MAML2: variants seen among roughly 807,000 people sequenced by gnomAD.
MAML2 encodes mastermind-like protein 2.
In MAML2, 22 loss-of-function variants were observed where a neutral mutation model predicts 96.1. The ratio of observed to expected loss-of-function variants is 0.23; its 90% CI spans 0.16 to 0.33. The LOEUF is 0.33. Among genes scored for constraint, MAML2 ranks in the 10% least tolerant of loss-of-function variants. The pLI is 1.00. For missense variants in MAML2, 1,367 were observed against 1,392.4 expected (o/e 0.98, Z 0.29); for synonymous variants, 561 against 521.3 (o/e 1.08, Z -1.04).
intron 1 of MAML2, among the ~76,000 whole-genome samples, chr11:96,335,926 G>A (rs542439798): frequency 6.6e-6 from 1 of 152,134 alleles, no homozygotes; most frequent in East Asian, 1.9e-4. Flanking sequence ...CCTCTTCTCA[G>A]GCCCTGCTGG....
Position 95,986,728 on chromosome 11 carries a change from C to T in MAML2, c.2344-1086G>A, listed in dbSNP as rs139703926. Among the ~76,000 whole-genome samples the T allele has an allele frequency of 1.8e-3, 267 of 152,220 alleles. 2 individuals carry two copies. The highest frequency in any genetic ancestry group is 5.8e-3 in the African/African-American group (240 of 41,530). On this transcript the variant is annotated intron_variant, in intron 3 of 4. Coordinates refer to ENST00000524717, the MANE Select transcript of MAML2 (RefSeq NM_032427.4). ...CACAGTGGTAGAACTGAGACCAAAT[C>T]CTGAGTCCAAAACTCAGGCTCTTTC...
chr11:96,179,898 TGGCCAACTAGGA>T (rs1861455325), intron 1 of MAML2, among the ~76,000 whole-genome samples: 2 of 152,216 alleles, frequency 1.3e-5, no homozygotes, highest in African/African-American at 2.4e-5. Context: ...GTGGCCACCT[TGGCCAACTAGGA>T]GCTGACATTG....
intron 1 of MAML2, among the ~76,000 whole-genome samples, chr11:96,191,022 C>G (rs577840211): frequency 1.2e-4 from 18 of 152,194 alleles, no homozygotes; most frequent in African/African-American, 4.3e-4. Context: ...TTGTGTACCC[C>G]CTTTTAGAAG....
chr11:96,308,017 T>C (rs1019773509), intron 1 of MAML2, among the ~76,000 whole-genome samples: 181 of 152,182 alleles, frequency 1.2e-3, no homozygotes, highest in Non-Finnish European at 4.1e-4. Context: ...TCTGGAATTA[T>C]GGTAAAGCCC....
At chr11:96,018,012 T>C (rs1355655719) in intron 2 of MAML2, among the ~76,000 whole-genome samples, 1 of 152,124 alleles carries the variant, frequency 6.6e-6, no homozygotes, top group African/African-American at 2.4e-5. Flanking sequence ...AGAAAGAAGA[T>C]GAGTAAGGAA....
chr11:96,170,177 C>T (rs1861263937), intron 1 of MAML2, among the ~76,000 whole-genome samples: 1 of 152,234 alleles, frequency 6.6e-6, no homozygotes, highest in South Asian at 2.1e-4. Context: ...TGCTCACATT[C>T]TACATTCCAA....
At chr11:96,293,657 G>A (rs1170362343) in intron 1 of MAML2, among the ~76,000 whole-genome samples, 1 of 152,154 alleles carries the variant, frequency 6.6e-6, no homozygotes, top group Non-Finnish European at 1.5e-5. Context: ...CTGAAAAAAT[G>A]AGACACAGCC....
intron 1 of MAML2, among the ~76,000 whole-genome samples, chr11:96,175,220 C>T (rs1474616567): frequency 1.3e-5 from 2 of 152,194 alleles, no homozygotes; most frequent in African/African-American, 2.4e-5. Context: ...ACCATCCTTG[C>T]AAGAATAAAG....
chr11:96,242,539 T>A (rs1013179085), intron 1 of MAML2, among the ~76,000 whole-genome samples: 2 of 152,214 alleles, frequency 1.3e-5, no homozygotes, highest in African/African-American at 2.4e-5. Context: ...GAATTATAGG[T>A]ACAGCACAAA....
At position 96,341,944 on chromosome 11, in the gene MAML2, G is replaced by A. The variant is rs1474573717; in HGVS notation, c.-49C>T. The A allele has an allele frequency of 1.4e-6, 2 of 1,451,954 alleles. No homozygotes were observed. The highest frequency in any genetic ancestry group is 1.8e-6 in the Non-Finnish European group (2 of 1,106,036). 89.9% of individuals were successfully genotyped at this position (1,451,954 alleles called of 1,614,324 possible). A position where few individuals can be genotyped will look rare whatever the true frequency, so the allele number is the denominator to read the frequency against. On this transcript the variant is annotated 5_prime_UTR_variant, in exon 1 of 5. Coordinates refer to ENST00000524717, the MANE Select transcript of MAML2 (RefSeq NM_032427.4). ...CCTCTGGGATGGTGAGGTGGAAAGA[G>A]GCTACTGCTGGCTATTGCAGGCAAG...
chr11:96,142,092 G>A lies in MAML2; in HGVS notation c.514-48575C>T, dbSNP rs185243910. Reference sequence around the variant, plus strand: ...TCATGGTGCTCACAATCTAGTGCAGGAAAGCAACAAGACCAGAGACAATCA... The same window carrying A: ...TCATGGTGCTCACAATCTAGTGCAGAAAAGCAACAAGACCAGAGACAATCA... On this transcript the variant is annotated intron_variant, in intron 1 of 4. Coordinates refer to ENST00000524717, the MANE Select transcript of MAML2 (RefSeq NM_032427.4). 2.0e-5 allele frequency among the ~76,000 whole-genome samples: 3 copies of A among 152,206 alleles called. No individual in the cohort carries two copies. The South Asian group carries it at 6.2e-4, about 32-fold the overall frequency.
intron 3 of MAML2, among the ~76,000 whole-genome samples, chr11:95,988,690 A>C (rs573090008): frequency 6.6e-6 from 1 of 151,904 alleles, no homozygotes; most frequent in African/African-American, 2.4e-5. Context: ...GACATAACAC[A>C]GAACTGCCAT....
intron 1 of MAML2, among the ~76,000 whole-genome samples, chr11:96,256,914 C>T (rs1192033513): frequency 1.3e-5 from 2 of 152,190 alleles, no homozygotes; most frequent in African/African-American, 4.8e-5. Context: ...AGACAGAGGA[C>T]ACCCCAGTAA....
intron 1 of MAML2, among the ~76,000 whole-genome samples, chr11:96,199,536 T>TG (rs546821951): frequency 6.2e-4 from 94 of 152,260 alleles, no homozygotes; most frequent in African/African-American, 2.0e-3. Context: ...TTTTTTTTTT[T>TG]TTTGAGCAAG....
At chr11:96,031,335 TTGTGTG>T (rs10596374) in intron 2 of MAML2, among the ~76,000 whole-genome samples, 115 of 150,342 alleles carry the variant, frequency 7.6e-4, no homozygotes, top group Admixed American at 2.1e-3. Context: ...ATTTAACAGT[TTGTGTG>T]TGTGTGTGTG....
At chr11:96,313,571 T>G (rs1274942073) in intron 1 of MAML2, among the ~76,000 whole-genome samples, 1 of 152,138 alleles carries the variant, frequency 6.6e-6, no homozygotes, top group Non-Finnish European at 1.5e-5. Context: ...CCTTCCTCTT[T>G]ATAGCCTGCC....
chr11:96,311,208 G>T (rs929385254), intron 1 of MAML2, among the ~76,000 whole-genome samples: 1 of 152,278 alleles, frequency 6.6e-6, no homozygotes, highest in Non-Finnish European at 1.5e-5. Flanking sequence ...GTTTACATTG[G>T]CTAGGAGTTT....
At chr11:96,058,487 T>C (rs1859104209) in intron 2 of MAML2, among the ~76,000 whole-genome samples, 1 of 152,068 alleles carries the variant, frequency 6.6e-6, no homozygotes, top group South Asian at 2.1e-4. Context: ...GCCTGGCTAA[T>C]TTTTGTATTT....
intron 1 of MAML2, among the ~76,000 whole-genome samples, chr11:96,109,426 G>A (rs1860081851): frequency 6.6e-6 from 1 of 152,198 alleles, no homozygotes; most frequent in African/African-American, 2.4e-5. Flanking sequence ...GTGTGGGTGG[G>A]AGATAGGATA....
Sources: allele counts gnomAD v4.1 joint callset (sites outside exome capture counted in the v4.1 genomes callset), GRCh38; gene constraint gnomAD v4.1.1; transcripts MANE v1.5; gene names NCBI Gene and HGNC (gene_info 2026-07-23, HGNC 2026-07-21).